The following TTC6 variants were observed in gnomAD, a reference collection of about 807,000 sequenced individuals.
TTC6 encodes the protein tetratricopeptide repeat protein 6.
Under a neutral mutation model 210.4 loss-of-function variants are expected in TTC6, and 172 were observed. The observed-to-expected ratio is 0.82, with a 90% CI of 0.72 to 0.93. The LOEUF (loss-of-function observed/expected upper bound fraction) is 0.93. TTC6 is among the 40% of genes least tolerant of loss of function. The probability of loss-of-function intolerance (pLI) is 0.00; values close to 1 mark genes in which losing one functional copy is unlikely to be tolerated. For synonymous variants in TTC6, 804 were observed against 819.6 expected, an observed-to-expected ratio of 0.98 and a Z score of 0.32; for missense variants, 2,414 against 2,318.1, an observed-to-expected ratio of 1.04 and a Z score of -0.85.
chr14:37,675,887 T>C (rs193252301), intron 1 of TTC6, among the ~76,000 whole-genome samples: 29 of 152,116 alleles, frequency 1.9e-4, no homozygotes, highest in Admixed American at 1.8e-3. Flanking sequence ...TTTGGAGAAA[T>C]GTCAAAAATA....
intron 3 of TTC6, among the ~76,000 whole-genome samples, chr14:37,687,613 G>A (rs1026664331): frequency 1.3e-5 from 2 of 152,118 alleles, no homozygotes; most frequent in African/African-American, 4.8e-5. Flanking sequence ...GAGTGGGGAA[G>A]ACTTTGTTTT....
chr14:37,753,163 A>G, exon 14 of TTC6: 1 of 1,535,646 alleles, frequency 6.5e-7, no homozygotes, highest in Non-Finnish European at 8.7e-7. Context: ...TATTGTGAAA[A>G]TGAAAACTGG....
At chr14:37,724,276 A>G (rs374319690) in intron 6 of TTC6, among the ~76,000 whole-genome samples, 1 of 152,188 alleles carries the variant, frequency 6.6e-6, no homozygotes, top group East Asian at 1.9e-4. Context: ...ATGAGTTTAT[A>G]CTTTACTAGA....
At chr14:37,785,560 G>A (rs955152877) in intron 14 of TTC6, among the ~76,000 whole-genome samples, 3 of 152,148 alleles carry the variant, frequency 2.0e-5, no homozygotes, top group African/African-American at 7.2e-5. Context: ...CTTTGGGTTT[G>A]AATATCCTCC....
intron 14 of TTC6, among the ~76,000 whole-genome samples, chr14:37,770,040 C>T (rs1408143551): frequency 3.9e-5 from 6 of 152,124 alleles, no homozygotes; most frequent in Admixed American, 6.5e-5. Context: ...ATCTTTATTT[C>T]TGCCTTCATT....
chr14:37,752,409 A>G (rs1009256225), intron 13 of TTC6, among the ~76,000 whole-genome samples: 1 of 152,036 alleles, frequency 6.6e-6, no homozygotes, highest in Non-Finnish European at 1.5e-5. Flanking sequence ...TCTTTTGAAG[A>G]TGCTGAAATT....
At chr14:37,815,551 G>A (rs547112206) in intron 25 of TTC6, among the ~76,000 whole-genome samples, 3 of 152,214 alleles carry the variant, frequency 2.0e-5, no homozygotes, top group South Asian at 4.1e-4. Context: ...ACCTCCTGCT[G>A]TGATTGAGAT....
intron 14 of TTC6, among the ~76,000 whole-genome samples, chr14:37,764,758 C>T (rs1279027437): frequency 6.6e-6 from 1 of 151,868 alleles, no homozygotes; most frequent in Non-Finnish European, 1.5e-5. Flanking sequence ...GACAATTTAA[C>T]CTATTTACAT....
chr14:37,595,850 G>C (rs1157396399), exon 1 of TTC6: 1 of 151,932 alleles, frequency 6.6e-6, no homozygotes, highest in African/African-American at 2.4e-5. Context: ...TTCCTCCTGA[G>C]AGCTTCAGAC....
intron 14 of TTC6, among the ~76,000 whole-genome samples, chr14:37,766,152 G>A (rs2095998662): frequency 6.6e-6 from 1 of 151,976 alleles, no homozygotes. Flanking sequence ...TGTTATTTCT[G>A]CTCCTTTCTT....
At chr14:37,660,091 A>G (rs1160907340) in intron 1 of TTC6, among the ~76,000 whole-genome samples, 1 of 151,930 alleles carries the variant, frequency 6.6e-6, no homozygotes, top group African/African-American at 2.4e-5. Flanking sequence ...GCTGTGTAGA[A>G]GCTCTTAGGT....
chr14:37,672,214 C>T (rs1046721077), intron 1 of TTC6, among the ~76,000 whole-genome samples: 1 of 151,986 alleles, frequency 6.6e-6, no homozygotes, highest in African/African-American at 2.4e-5. Context: ...ACTGCATTTC[C>T]CCTCCCTCCA....
chr14:37,774,082 A>G (rs2096029436), intron 14 of TTC6, among the ~76,000 whole-genome samples: 1 of 152,160 alleles, frequency 6.6e-6, no homozygotes, highest in Non-Finnish European at 1.5e-5. Context: ...GTATGGAGGA[A>G]TGATACTTCT....
chr14:37,605,127 G>C (rs976417623), intron 1 of TTC6, among the ~76,000 whole-genome samples: 7 of 152,182 alleles, frequency 4.6e-5, no homozygotes, highest in Non-Finnish European at 1.0e-4. Flanking sequence ...TCTGTGAAAA[G>C]ACCAAATCAC....
chr14:37,615,464 T>G (rs2095641211), intron 2 of TTC6, among the ~76,000 whole-genome samples: 1 of 152,138 alleles, frequency 6.6e-6, no homozygotes, highest in South Asian at 2.1e-4. Flanking sequence ...TACAGGGATA[T>G]CAGGCTTTCT....
intron 12 of TTC6, among the ~76,000 whole-genome samples, chr14:37,750,521 A>G (rs534223974): frequency 6.6e-6 from 1 of 152,360 alleles, no homozygotes; most frequent in East Asian, 1.9e-4. Context: ...CTTCAAATTG[A>G]AAGTACCTTT....
At chr14:37,736,555 C>G (rs1048265087) in intron 8 of TTC6, among the ~76,000 whole-genome samples, 1 of 151,906 alleles carries the variant, frequency 6.6e-6, no homozygotes, top group African/African-American at 2.4e-5. Context: ...TGTAGGTCTT[C>G]AATATCAAAG....
intron 14 of TTC6, among the ~76,000 whole-genome samples, chr14:37,782,656 A>G (rs1206090960): frequency 6.6e-6 from 1 of 152,170 alleles, no homozygotes; most frequent in Non-Finnish European, 1.5e-5. Flanking sequence ...CAGAACTTCC[A>G]ACACTATGTT....
At chr14:37,819,832 G>A (rs990247809) in intron 26 of TTC6, among the ~76,000 whole-genome samples, 2 of 152,184 alleles carry the variant, frequency 1.3e-5, no homozygotes, top group Non-Finnish European at 2.9e-5. Context: ...GGAAAATGCA[G>A]TGGGCCTTTG....
Sources: gnomAD v4.1 joint callset for allele counts (sites outside exome capture counted in the v4.1 genomes callset) on GRCh38, gnomAD v4.1.1 for gene constraint, MANE v1.5 for transcripts, NCBI Gene and HGNC (gene_info 2026-07-23, HGNC 2026-07-21) for gene names.